PTPRK: variants seen among roughly 807,000 people sequenced by gnomAD.
PTPRK encodes the protein protein tyrosine phosphatase receptor type K.
Under a neutral mutation model 178.0 loss-of-function variants are expected in PTPRK, and 75 were observed. That is an observed-to-expected ratio of 0.42 (90% confidence interval 0.35 to 0.51). The LOEUF is 0.51. PTPRK is among the 20% of genes least tolerant of loss of function. PTPRK has a pLI of 0.02. For synonymous variants in PTPRK, 637 were observed against 620.6 expected (o/e 1.03, Z -0.39); for missense variants, 1,441 against 1,797.8 (o/e 0.80, Z 3.59).
rs141451063 is a variant in PTPRK at position 128,511,433 on chromosome 6, C to A, written c.100+8826G>T. Among the ~76,000 whole-genome samples, 720 of 152,298 alleles carry A rather than the reference C, an allele frequency of 4.7e-3. 9 individuals are homozygous for A. The highest frequency in any genetic ancestry group is 0.017 in the African/African-American group (691 of 41,562). Reference sequence around the variant, plus strand: ...GATCAGTGGATTCAAGCACTGTAAACCTTAGAGCCTTATCAGGTGCAACCA... The same window carrying A: ...GATCAGTGGATTCAAGCACTGTAAAACTTAGAGCCTTATCAGGTGCAACCA... On this transcript the variant is annotated intron_variant, in intron 1 of 29. Coordinates refer to ENST00000368226, the MANE Select transcript of PTPRK (RefSeq NM_002844.4).
At chr6:127,974,323 A>C (rs568862991) in intron 27 of PTPRK, among the ~76,000 whole-genome samples, 8 of 152,356 alleles carry the variant, frequency 5.3e-5, no homozygotes, top group African/African-American at 1.9e-4. Flanking sequence ...GCTTAAAAAA[A>C]CTTATGTGAT....
At chr6:128,463,636 A>T (rs1584833852) in intron 1 of PTPRK, among the ~76,000 whole-genome samples, 1 of 152,150 alleles carries the variant, frequency 6.6e-6, no homozygotes, top group East Asian at 1.9e-4. Context: ...TAACAACATA[A>T]AACTAATATA....
At chr6:128,482,158 A>T (rs1852176618) in intron 1 of PTPRK, among the ~76,000 whole-genome samples, 1 of 152,136 alleles carries the variant, frequency 6.6e-6, no homozygotes, top group Non-Finnish European at 1.5e-5. Flanking sequence ...CCCTAATGAG[A>T]CCTAGAACTG....
chr6:128,463,833 C>T (rs564558962), intron 1 of PTPRK, among the ~76,000 whole-genome samples: 12 of 143,444 alleles, frequency 8.4e-5, no homozygotes, highest in South Asian at 2.2e-4. Context: ...CTCTCTGCAA[C>T]GCCCGCCTCC....
At chr6:128,077,210 A>C (rs923187018) in intron 11 of PTPRK, among the ~76,000 whole-genome samples, 12 of 152,014 alleles carry the variant, frequency 7.9e-5, no homozygotes, top group Non-Finnish European at 1.6e-4. Flanking sequence ...GACCCTGATT[A>C]CTTGTCAATA....
At chr6:127,996,863 T>C in intron 17 of PTPRK, 38 bp downstream of exon 17, 1 of 1,587,650 alleles carries the variant, frequency 6.3e-7, no homozygotes, top group Non-Finnish European at 8.6e-7. Context: ...TATAAGCATA[T>C]AATATTTACA....
intron 6 of PTPRK, among the ~76,000 whole-genome samples, chr6:128,195,164 A>C (rs2128253950): frequency 6.6e-6 from 1 of 152,090 alleles, no homozygotes; most frequent in Non-Finnish European, 1.5e-5. Flanking sequence ...CCAAATTTTA[A>C]GAAATTTGAA....
intron 1 of PTPRK, among the ~76,000 whole-genome samples, chr6:128,397,903 A>T (rs1308654556): frequency 6.6e-6 from 1 of 152,214 alleles, no homozygotes; most frequent in Non-Finnish European, 1.5e-5. Flanking sequence ...TTTGAGACCC[A>T]GAAGGAAGAC....
intron 3 of PTPRK, among the ~76,000 whole-genome samples, chr6:128,244,014 G>A (rs1213546266): frequency 6.6e-6 from 1 of 152,120 alleles, no homozygotes; most frequent in Non-Finnish European, 1.5e-5. Context: ...TACTAAGGAA[G>A]CAGAGAAGGT....
chr6:128,282,315 T>C (rs1821805078), intron 3 of PTPRK, among the ~76,000 whole-genome samples: 1 of 152,200 alleles, frequency 6.6e-6, no homozygotes, highest in Non-Finnish European at 1.5e-5. Context: ...ACTAATTATA[T>C]AAGTCAATCA....
chr6:128,142,615 T>C (rs1795938158), intron 7 of PTPRK, among the ~76,000 whole-genome samples: 2 of 151,782 alleles, frequency 1.3e-5, no homozygotes, highest in Admixed American at 1.3e-4. Flanking sequence ...TGCAAACATA[T>C]TTCTTACAGA....
At chr6:128,092,124 A>G (rs1787072770) in intron 7 of PTPRK, among the ~76,000 whole-genome samples, 1 of 152,236 alleles carries the variant, frequency 6.6e-6, no homozygotes, top group Non-Finnish European at 1.5e-5. Flanking sequence ...TATATAAAGC[A>G]CAATCATAAT....
chr6:128,463,400 C>A (rs1849329045), intron 1 of PTPRK, among the ~76,000 whole-genome samples: 1 of 152,130 alleles, frequency 6.6e-6, no homozygotes, highest in African/African-American at 2.4e-5. Context: ...CAGTTTAGAA[C>A]TGGGGGTCTC....
intron 3 of PTPRK, among the ~76,000 whole-genome samples, chr6:128,289,095 A>G (rs971667009): frequency 6.6e-6 from 1 of 152,104 alleles, no homozygotes; most frequent in African/African-American, 2.4e-5. Flanking sequence ...TCTAAAATAT[A>G]TATTATAAAT....
chr6:128,231,777 C>T (rs1812340031), intron 5 of PTPRK, among the ~76,000 whole-genome samples: 1 of 152,078 alleles, frequency 6.6e-6, no homozygotes, highest in African/African-American at 2.4e-5. Context: ...AAATGCGCTC[C>T]AAAACTAGAA....
intron 27 of PTPRK, among the ~76,000 whole-genome samples, chr6:127,974,259 C>A (rs139491984): frequency 6.6e-6 from 1 of 152,248 alleles, no homozygotes; most frequent in East Asian, 1.9e-4. Flanking sequence ...CTTGTCATTT[C>A]CTGCTTTAAT....
intron 2 of PTPRK, among the ~76,000 whole-genome samples, chr6:128,353,827 A>G (rs539970898): frequency 1.3e-5 from 2 of 151,032 alleles, no homozygotes; most frequent in Non-Finnish European, 2.9e-5. Flanking sequence ...GACTCTACAC[A>G]TGATAAAACT....
intron 2 of PTPRK, among the ~76,000 whole-genome samples, chr6:128,354,229 A>ATTTTTTTTTTTTTTTTTTTT (rs1201996929): frequency 3.6e-5 from 1 of 27,748 alleles, no homozygotes; most frequent in Non-Finnish European, 7.7e-5. Context: ...TTTTTTGTTT[A>ATTTTTTTTTTTTTTTTTTTT]TGTTTTTTTT....
chr6:128,446,238 C>T (rs1847005531), intron 1 of PTPRK, among the ~76,000 whole-genome samples: 1 of 152,194 alleles, frequency 6.6e-6, no homozygotes, highest in South Asian at 2.1e-4. Flanking sequence ...AGCAGCACCT[C>T]TACCATGCCA....
Sources: gnomAD v4.1 joint callset for allele counts (sites outside exome capture counted in the v4.1 genomes callset) on GRCh38, gnomAD v4.1.1 for gene constraint, MANE v1.5 for transcripts, NCBI Gene and HGNC (gene_info 2026-07-23, HGNC 2026-07-21) for gene names.